CSGALNACT1: variants seen among roughly 807,000 people sequenced by gnomAD.
CSGALNACT1 encodes the protein chondroitin sulfate N-acetylgalactosaminyltransferase 1.
A neutral mutation model predicts 51.0 loss-of-function variants in CSGALNACT1; 52 were observed. The ratio of observed to expected loss-of-function variants is 1.02; its 90% confidence interval spans 0.82 to 1.29. The LOEUF (loss-of-function observed/expected upper bound fraction) is 1.29, where lower values mean the gene tolerates loss of function less well. Ranked by LOEUF, CSGALNACT1 falls within the 50% of genes most tolerant of loss-of-function variation. The probability of loss-of-function intolerance (pLI) is 0.00; values close to 1 mark genes in which losing one functional copy is unlikely to be tolerated. For missense variants in CSGALNACT1, 935 were observed against 679.2 expected (o/e 1.38, Z -4.19); for synonymous variants, 341 against 254.4 (o/e 1.34, Z -3.24).
intron 4 of CSGALNACT1, among the ~76,000 whole-genome samples, chr8:19,488,683 C>T (rs540230570): frequency 6.6e-6 from 1 of 152,144 alleles, no homozygotes; most frequent in South Asian, 2.1e-4. Flanking sequence ...TAATTACTAA[C>T]ATTTTATTGG....
intron 3 of CSGALNACT1, among the ~76,000 whole-genome samples, chr8:19,517,232 G>A (rs148934888): frequency 5.8e-4 from 88 of 152,314 alleles, no homozygotes; most frequent in African/African-American, 1.9e-3. Context: ...GAGTTTGGGA[G>A]TTCGAGATCA....
chr8:19,677,846 G>A (rs1367175286), intron 1 of CSGALNACT1, among the ~76,000 whole-genome samples: 1 of 152,114 alleles, frequency 6.6e-6, no homozygotes, highest in African/African-American at 2.4e-5. Context: ...TTTAGGGAAT[G>A]TTAAAGGTCA....
chr8:19,652,410 G>T (rs2057895733), intron 1 of CSGALNACT1, among the ~76,000 whole-genome samples: 1 of 152,182 alleles, frequency 6.6e-6, no homozygotes, highest in East Asian at 1.9e-4. Flanking sequence ...CATGACCATG[G>T]ATGCATATCT....
intron 3 of CSGALNACT1, chr8:19,585,319 T>G (rs2046387901): frequency 6.6e-6 from 1 of 152,136 alleles, no homozygotes; most frequent in African/African-American, 2.4e-5. Context: ...CTGGCATAAC[T>G]TCTGTGGCAA....
intron 1 of CSGALNACT1, among the ~76,000 whole-genome samples, chr8:19,635,409 T>G (rs779469237): frequency 1.3e-5 from 2 of 152,216 alleles, no homozygotes; most frequent in Non-Finnish European, 2.9e-5. Context: ...TACTGGTGTT[T>G]TTCCTCAACG....
intron 3 of CSGALNACT1, among the ~76,000 whole-genome samples, chr8:19,556,472 A>G (rs1329302642): frequency 2.0e-5 from 3 of 152,206 alleles, no homozygotes; most frequent in Non-Finnish European, 2.9e-5. Flanking sequence ...ATAATGGATG[A>G]CAATCAGTGA....
Position 19,610,413 on chromosome 8 carries a change from C to T in CSGALNACT1, c.-543-8548G>A, listed in dbSNP as rs148050199. Among the ~76,000 whole-genome samples, 652 of 152,016 alleles carry T rather than the reference C, an allele frequency of 4.3e-3. 3 individuals are homozygous for T. The highest frequency in any genetic ancestry group is 0.014 in the African/African-American group (598 of 41,432). The stretch of plus-strand genomic sequence containing the variant: ...CCTCGGTGAGGACAGGCATTTCCTG[C>T]CCAAATGTTGCATTTCCCAAGACCA... On this transcript the variant is annotated intron_variant, in intron 1 of 9. Coordinates refer to the CSGALNACT1 transcript ENST00000332246.
intron 1 of CSGALNACT1, among the ~76,000 whole-genome samples, chr8:19,742,768 A>G (rs1481238286): frequency 2.6e-5 from 4 of 152,360 alleles, no homozygotes; most frequent in South Asian, 4.1e-4. Flanking sequence ...AAAATACATT[A>G]TATCTGTGAA....
chr8:19,686,966 T>C (rs903726589), upstream of CSGALNACT1, among the ~76,000 whole-genome samples: 7 of 152,180 alleles, frequency 4.6e-5, no homozygotes, highest in Non-Finnish European at 1.5e-5. Context: ...GAGCTTTCCA[T>C]CAGGACCAAA....
chr8:19,628,128 C>A (rs2054682072), intron 1 of CSGALNACT1, among the ~76,000 whole-genome samples: 1 of 152,156 alleles, frequency 6.6e-6, no homozygotes, highest in Non-Finnish European at 1.5e-5. Context: ...GTCCTTACAC[C>A]TTTGCAGTAG....
At chr8:19,620,170 C>A (rs973422473) in intron 1 of CSGALNACT1, among the ~76,000 whole-genome samples, 6 of 151,784 alleles carry the variant, frequency 4.0e-5, no homozygotes, top group African/African-American at 1.5e-4. Flanking sequence ...AAAAAATTAG[C>A]CAGGAGTTGA....
At chr8:19,552,715 G>T (rs2088494124) in intron 3 of CSGALNACT1, among the ~76,000 whole-genome samples, 1 of 152,120 alleles carries the variant, frequency 6.6e-6, no homozygotes, top group Admixed American at 6.5e-5. Context: ...ATTTTTCTTT[G>T]CAACAGATTG....
At chr8:19,651,930 G>T (rs199593299) in intron 1 of CSGALNACT1, among the ~76,000 whole-genome samples, 43 of 145,582 alleles carry the variant, frequency 3.0e-4, no homozygotes, top group African/African-American at 8.0e-4. Flanking sequence ...TTTTTGTTTT[G>T]TTTTGTTTTG....
intron 4 of CSGALNACT1, among the ~76,000 whole-genome samples, chr8:19,470,910 A>G (rs1311388488): frequency 6.6e-6 from 1 of 152,152 alleles, no homozygotes; most frequent in African/African-American, 2.4e-5. Context: ...AGCCTGGCCA[A>G]TGTGGTGAAA....
intron 1 of CSGALNACT1, among the ~76,000 whole-genome samples, chr8:19,642,978 G>T (rs2056897606): frequency 6.6e-6 from 1 of 152,098 alleles, no homozygotes; most frequent in South Asian, 2.1e-4. Context: ...CATTACAGGA[G>T]CTGGAAGAAA....
chr8:19,414,722 T>C (rs1490891950), intron 8 of CSGALNACT1, among the ~76,000 whole-genome samples: 11 of 152,242 alleles, frequency 7.2e-5, no homozygotes, highest in Admixed American at 4.6e-4. Flanking sequence ...TGTGATCCTA[T>C]TTCAAAGGCT....
intron 3 of CSGALNACT1, among the ~76,000 whole-genome samples, chr8:19,570,328 A>G (rs777810245): frequency 2.6e-5 from 4 of 152,106 alleles, no homozygotes; most frequent in Non-Finnish European, 5.9e-5. Flanking sequence ...ATTTTTGCTG[A>G]TGGCTATAAT....
At chr8:19,574,928 G>C (rs371265356) in intron 3 of CSGALNACT1, among the ~76,000 whole-genome samples, 1 of 151,954 alleles carries the variant, frequency 6.6e-6, no homozygotes, top group African/African-American at 2.4e-5. Context: ...TCAGCTACTC[G>C]GGAGGCTGAG....
At chr8:19,455,931 C>T (rs998852114) in intron 5 of CSGALNACT1, among the ~76,000 whole-genome samples, 1 of 152,224 alleles carries the variant, frequency 6.6e-6, no homozygotes, top group East Asian at 1.9e-4. Context: ...AACATCCTCT[C>T]CAGGTCACAA....
Sources: gnomAD v4.1 joint callset for allele counts (sites outside exome capture counted in the v4.1 genomes callset) on GRCh38, gnomAD v4.1.1 for gene constraint, MANE v1.5 for transcripts, NCBI Gene and HGNC (gene_info 2026-07-23, HGNC 2026-07-21) for gene names.